ZFHX3: variants seen among roughly 807,000 people sequenced by gnomAD.
ZFHX3 encodes the protein zinc finger homeobox protein 3.
A neutral mutation model predicts 279.1 loss-of-function variants in ZFHX3; 42 were observed. The observed-to-expected ratio is 0.15, with a 90% CI of 0.12 to 0.19. The LOEUF (loss-of-function observed/expected upper bound fraction) is 0.19, where lower values mean the gene tolerates loss of function less well. ZFHX3 is among the 10% of genes least tolerant of loss of function. The probability of loss-of-function intolerance (pLI) is 1.00; values close to 1 mark genes in which losing one functional copy is unlikely to be tolerated. For missense variants in ZFHX3, 4,981 were observed against 4,754.0 expected, an observed-to-expected ratio of 1.05 and a Z score of -1.40; for synonymous variants, 2,293 against 1,957.8, an observed-to-expected ratio of 1.17 and a Z score of -4.52.
At chr16:73,200,318 A>G (rs991045382) in intron 5 of ZFHX3, among the ~76,000 whole-genome samples, 5 of 152,162 alleles carry the variant, frequency 3.3e-5, no homozygotes, top group Admixed American at 6.5e-5. Context: ...GCTATATATT[A>G]CTAGGAAATA....
intron 8 of ZFHX3, among the ~76,000 whole-genome samples, chr16:73,074,979 G>GTT (rs145542547): frequency 1.3e-5 from 2 of 150,688 alleles, no homozygotes; most frequent in South Asian, 4.2e-4. Flanking sequence ...GCTAATTTTT[G>GTT]TTTTTTTTTG....
intron 7 of ZFHX3, among the ~76,000 whole-genome samples, chr16:73,098,071 A>ATTTTT (rs35816942): frequency 2.8e-5 from 4 of 143,158 alleles, no homozygotes; most frequent in African/African-American, 5.2e-5. Flanking sequence ...TTGTGTATCT[A>ATTTTT]TTTTTTTTTT....
At chr16:73,311,060 C>G (rs1467175225) in intron 4 of ZFHX3, among the ~76,000 whole-genome samples, 1 of 149,090 alleles carries the variant, frequency 6.7e-6, no homozygotes, top group Non-Finnish European at 1.5e-5. Context: ...TGGTGAGACC[C>G]TGTCTTTACT....
rs973761521 is a variant in ZFHX3, at chr16:73,611,946, T to C, written c.-1547+68234A>G. ...CAAGATGTGACAGGGTATCTATCTT[T>C]TGAAACCATCTTTGGGCTATATTAC... On this transcript the variant is annotated intron_variant, in intron 2 of 17. Coordinates refer to the ZFHX3 transcript ENST00000641206. 2.6e-5 allele frequency among the ~76,000 whole-genome samples: 4 copies of C among 152,360 alleles called. No individual in the cohort carries two copies. The South Asian group carries it at 8.3e-4, about 32-fold the overall frequency.
At chr16:73,043,495 T>C (rs890542302) in intron 1 of ZFHX3, among the ~76,000 whole-genome samples, 11 of 152,284 alleles carry the variant, frequency 7.2e-5, no homozygotes, top group African/African-American at 2.6e-4. Context: ...ACTCCATGAA[T>C]GAAGGCTGAA....
intron 1 of ZFHX3, among the ~76,000 whole-genome samples, chr16:73,769,916 C>A (rs2053998729): frequency 1.3e-5 from 2 of 152,168 alleles, no homozygotes; most frequent in African/African-American, 4.8e-5. Context: ...GAAAAGATGG[C>A]TTAGGTGTGT....
intron 1 of ZFHX3, among the ~76,000 whole-genome samples, chr16:73,688,564 C>G (rs1196917851): frequency 4.9e-4 from 75 of 152,020 alleles, no homozygotes; most frequent in Non-Finnish European, 4.4e-5. Flanking sequence ...AGAAAGCAGG[C>G]CCTCAACAGA....
rs2229288 is a variant in ZFHX3, at chr16:72,794,405, C to A, written c.8277G>T (p.Gln2759His). Residue 2759 changes from glutamine to histidine, a missense_variant, in exon 9 of 10, where the codon CAG becomes CAT. Gln to His is a conservative substitution (Grantham distance 24, BLOSUM62 0). Around this residue, in one of 7 missense-constraint regions of ZFHX3, gnomAD observed 744 missense variants for 701.3 expected, o/e 1.06. Coordinates refer to ENST00000268489, the MANE Select transcript of ZFHX3 (RefSeq NM_006885.4). The surrounding 1 kb of genome is among the most constrained non-coding windows in gnomAD (Gnocchi z 4.2). ...AMLLDCDGGL[Q>H]MKGDIFDGTS... The stretch of plus-strand genomic sequence containing the variant: ...TTCCGTCAAAAATATCTCCTTTCAT[C>A]TGGAGTCCCCCATCACAGTCTAAGA... 3.5e-3 allele frequency: 5,627 copies of A among 1,609,470 alleles called. 10 individuals are homozygous for A. Among genetic ancestry groups the A allele is most frequent in the Non-Finnish European group, 4.2e-3 (4,925 of 1,177,362 alleles).
chr16:73,889,410 G>T (rs1322416916), intron 1 of ZFHX3, among the ~76,000 whole-genome samples: 3 of 152,176 alleles, frequency 2.0e-5, no homozygotes, highest in Admixed American at 6.5e-5. Context: ...CAGCACAGCT[G>T]CCTTCATCTG....
intron 7 of ZFHX3, among the ~76,000 whole-genome samples, chr16:73,112,366 T>C (rs1432475283): frequency 1.3e-5 from 2 of 151,982 alleles, no homozygotes; most frequent in African/African-American, 4.8e-5. Flanking sequence ...TTGGGAGTCC[T>C]AGTCTCATAA....
intron 2 of ZFHX3, among the ~76,000 whole-genome samples, chr16:73,524,769 G>C (rs1257674704): frequency 1.3e-5 from 2 of 152,206 alleles, no homozygotes; most frequent in Non-Finnish European, 2.9e-5. Flanking sequence ...TGGTCAGCTG[G>C]TATTCTGCTC....
chr16:73,152,074 C>T (rs978232572), intron 5 of ZFHX3, among the ~76,000 whole-genome samples: 2 of 152,152 alleles, frequency 1.3e-5, no homozygotes, highest in Admixed American at 6.5e-5. Flanking sequence ...TCCCTCACTC[C>T]AACAAGATAT....
At chr16:73,065,562 T>C (rs1211327393) in intron 8 of ZFHX3, among the ~76,000 whole-genome samples, 1 of 115,752 alleles carries the variant, frequency 8.6e-6, no homozygotes, top group African/African-American at 3.5e-5. Flanking sequence ...AACTAGCTTT[T>C]CCTGGTGTGT....
chr16:73,789,323 G>T (rs1157729203), intron 1 of ZFHX3, among the ~76,000 whole-genome samples: 1 of 151,908 alleles, frequency 6.6e-6, no homozygotes, highest in Non-Finnish European at 1.5e-5. Flanking sequence ...TGGGACTACA[G>T]GTGCATGTCA....
intron 4 of ZFHX3, among the ~76,000 whole-genome samples, chr16:73,269,602 A>T (rs539949098): frequency 6.6e-6 from 1 of 152,274 alleles, no homozygotes; most frequent in South Asian, 2.1e-4. Flanking sequence ...GTTATTATTA[A>T]TAACCTTCCA....
At chr16:73,804,760 C>G (rs1195334323) in intron 1 of ZFHX3, among the ~76,000 whole-genome samples, 1 of 151,948 alleles carries the variant, frequency 6.6e-6, no homozygotes, top group Non-Finnish European at 1.5e-5. Context: ...GAATACTTCA[C>G]CTTTCTGACA....
rs564636034 is a variant in ZFHX3, at chr16:73,450,774, T to C, written c.-1291+5229A>G. Among the ~76,000 whole-genome samples the C allele has an allele frequency of 7.3e-4, 111 of 152,344 alleles. 1 individual carries two copies. Among genetic ancestry groups the C allele is most frequent in the Non-Finnish European group, 1.1e-3 (77 of 68,032 alleles). On this transcript the variant is annotated intron_variant, in intron 3 of 17. Coordinates refer to the ZFHX3 transcript ENST00000641206. ...ATTTGCAGATTAACAGCTTCTGCCATTAGCAAATTGGAAATCCCTTCCCTC... is the reference window on the plus strand; with the variant it reads ...ATTTGCAGATTAACAGCTTCTGCCACTAGCAAATTGGAAATCCCTTCCCTC...
At chr16:72,970,711 C>G (rs927804048) in intron 1 of ZFHX3, among the ~76,000 whole-genome samples, 1 of 152,244 alleles carries the variant, frequency 6.6e-6, no homozygotes, top group Non-Finnish European at 1.5e-5. Flanking sequence ...TATGTGTTTC[C>G]TTTGCCAGCA....
intron 4 of ZFHX3, among the ~76,000 whole-genome samples, chr16:72,855,211 C>T (rs1011686674): frequency 1.3e-5 from 2 of 152,202 alleles, no homozygotes; most frequent in Admixed American, 1.3e-4. Context: ...TGGCAAATTG[C>T]ACCAACCTCA....
Sources: gnomAD v4.1 joint callset for allele counts (sites outside exome capture counted in the v4.1 genomes callset) on GRCh38, gnomAD v4.1.1 for gene constraint, gnomAD v4.1.1 regional missense constraint, Gnocchi (gnomAD v3.1) non-coding constraint, MANE v1.5 for transcripts, NCBI Gene and HGNC (gene_info 2026-07-23, HGNC 2026-07-21) for gene names.